The following CELF2 variants were observed in gnomAD, a reference collection of about 807,000 sequenced individuals.
The protein encoded by CELF2 is CUG triplet repeat RNA-binding protein 2.
Under a neutral mutation model 62.6 loss-of-function variants are expected in CELF2, and 8 were observed. The ratio of observed to expected loss-of-function variants is 0.13; its 90% CI spans 0.07 to 0.23. The LOEUF is 0.23. CELF2 is among the 10% of genes least tolerant of loss of function. The pLI is 1.00. For missense variants in CELF2, 333 were observed against 671.0 expected (o/e 0.50, Z 5.56); for synonymous variants, 258 against 250.0 (o/e 1.03, Z -0.30).
chr10:10,552,851 T>C, the CELF2 span, among the ~76,000 whole-genome samples: 199 of 152,328 alleles, frequency 1.3e-3, no homozygotes, highest in African/African-American at 4.5e-3. Flanking sequence ...CAGACATGTA[T>C]TTCTCATTGT....
the CELF2 span, among the ~76,000 whole-genome samples, chr10:10,704,365 C>T: frequency 6.6e-6 from 1 of 152,140 alleles, no homozygotes; most frequent in South Asian, 2.1e-4. Context: ...CACAATGGGG[C>T]TCTCTGTCAT....
intron 2 of CELF2, among the ~76,000 whole-genome samples, chr10:10,969,991 G>A (rs956700097): frequency 6.6e-6 from 1 of 152,136 alleles, no homozygotes; most frequent in Admixed American, 6.6e-5. Context: ...AGCCATGGAG[G>A]GGGGCGGCTT....
At chr10:11,058,425 G>A (rs1467144696) in intron 1 of CELF2, among the ~76,000 whole-genome samples, 1 of 148,776 alleles carries the variant, frequency 6.7e-6, no homozygotes, top group Non-Finnish European at 1.5e-5. Flanking sequence ...ACCTATAAAA[G>A]CAAATTAGGT....
chr10:11,006,919 C>T (rs1188135486), intron 1 of CELF2, among the ~76,000 whole-genome samples: 8 of 152,074 alleles, frequency 5.3e-5, no homozygotes, highest in Admixed American at 4.6e-4. Flanking sequence ...GTGAAGCTTT[C>T]GACAGAGAAA....
At chr10:10,530,249 C>T in the CELF2 span, among the ~76,000 whole-genome samples, 45 of 152,178 alleles carry the variant, frequency 3.0e-4, no homozygotes, top group South Asian at 2.1e-4. Flanking sequence ...ACCCTAGGTA[C>T]GATGCTTGTT....
chr10:10,749,827 T>C, the CELF2 span, among the ~76,000 whole-genome samples: 1 of 152,238 alleles, frequency 6.6e-6, no homozygotes, highest in African/African-American at 2.4e-5. Flanking sequence ...CTTTTAAGCA[T>C]TTTCAGAATG....
At chr10:10,679,050 A>G in the CELF2 span, among the ~76,000 whole-genome samples, 1 of 152,190 alleles carries the variant, frequency 6.6e-6, no homozygotes, top group Admixed American at 6.5e-5. Context: ...AGCTAAAATA[A>G]AGGGATTTCA....
chr10:11,051,349 A>ATC (rs1435502563), intron 1 of CELF2, among the ~76,000 whole-genome samples: 1 of 152,214 alleles, frequency 6.6e-6, no homozygotes, highest in Non-Finnish European at 1.5e-5. Context: ...ACTAAAACAT[A>ATC]GAGTTCTCTT....
intron 2 of CELF2, among the ~76,000 whole-genome samples, chr10:11,166,696 C>G (rs963179623): frequency 6.6e-6 from 1 of 152,188 alleles, no homozygotes; most frequent in African/African-American, 2.4e-5. Flanking sequence ...TATATTGCTT[C>G]TCCTAAGACC....
chr10:10,733,705 C>G, the CELF2 span, among the ~76,000 whole-genome samples: 1 of 152,108 alleles, frequency 6.6e-6, no homozygotes, highest in South Asian at 2.1e-4. Flanking sequence ...GGAGTTTCCC[C>G]TTATAAAACC....
At chr10:11,024,380 G>A (rs913214568) in intron 1 of CELF2, among the ~76,000 whole-genome samples, 2 of 152,118 alleles carry the variant, frequency 1.3e-5, no homozygotes, top group African/African-American at 2.4e-5. Context: ...CGAGGCAGGC[G>A]AATCACCTTC....
At chr10:10,771,833 A>G in the CELF2 span, among the ~76,000 whole-genome samples, 1 of 152,144 alleles carries the variant, frequency 6.6e-6, no homozygotes, top group East Asian at 1.9e-4. Flanking sequence ...CAGCGTGAAA[A>G]CGGACTAATA....
chr10:10,730,423 G>A, the CELF2 span, among the ~76,000 whole-genome samples: 1 of 152,172 alleles, frequency 6.6e-6, no homozygotes, highest in Non-Finnish European at 1.5e-5. Flanking sequence ...GTTGCAGTGA[G>A]CCAAGATCGT....
the CELF2 span, among the ~76,000 whole-genome samples, chr10:10,624,626 A>C: frequency 2.6e-5 from 4 of 152,200 alleles, no homozygotes; most frequent in African/African-American, 9.6e-5. Flanking sequence ...TCCGCACAGA[A>C]ACCTAGTCCT....
rs779078294 is a variant in CELF2, at chr10:11,018,158, C to T, written c.69C>T (p.Asp23=). 3.0e-5 allele frequency: 45 copies of T among 1,522,242 alleles called. No individual in the cohort carries two copies. The highest frequency in any genetic ancestry group is 6.0e-5 in the Admixed American group (3 of 49,702). The allele number at this position is 1,522,242 out of a possible 1,614,324, so 94.3% of individuals were successfully genotyped here. A position where few individuals can be genotyped will look rare whatever the true frequency, so the allele number is the denominator to read the frequency against. Residue 23 remains aspartate, a synonymous_variant, in exon 1 of 13, where the codon GAC becomes GAT. Transcript: ENST00000633077. ...TCGAGGGCCGCCTGCTCGTTCCTGA[C>T]AGAATGTGAGTGGCGCCGCGTCCCG... The part of the protein sequence containing the change: ...MMVEGRLLVP[D]RINGTANKMN...
chr10:10,522,040 T>A, the CELF2 span, among the ~76,000 whole-genome samples: 1 of 152,178 alleles, frequency 6.6e-6, no homozygotes, highest in East Asian at 1.9e-4. Flanking sequence ...CATCTCCTGG[T>A]GAAGTCACCT....
intron 1 of CELF2, among the ~76,000 whole-genome samples, chr10:10,840,049 T>C (rs373619001): frequency 1.8e-4 from 27 of 152,364 alleles, no homozygotes; most frequent in African/African-American, 6.0e-4. Context: ...CATTCCTTTC[T>C]ATCACTGAAT....
chr10:10,655,505 T>C, the CELF2 span, among the ~76,000 whole-genome samples: 9 of 126,218 alleles, frequency 7.1e-5, 1 homozygote, highest in Non-Finnish European at 3.5e-5. Context: ...AACAGCATGG[T>C]ACTGGTACCA....
chr10:10,829,090 G>T (rs2057641594), intron 1 of CELF2, among the ~76,000 whole-genome samples: 1 of 152,192 alleles, frequency 6.6e-6, no homozygotes, highest in Non-Finnish European at 1.5e-5. Flanking sequence ...CCACAAAGAT[G>T]ATCTCCTGTG....
Sources: gnomAD v4.1 joint callset for allele counts (sites outside exome capture counted in the v4.1 genomes callset) on GRCh38, gnomAD v4.1.1 for gene constraint, MANE v1.5 for transcripts, NCBI Gene and HGNC (gene_info 2026-07-23, HGNC 2026-07-21) for gene names.